Variants in KAZN observed in about 807,000 individuals in gnomAD.
KAZN encodes kazrin, periplakin interacting protein.
A neutral mutation model predicts 87.4 loss-of-function variants in KAZN; 40 were observed. The observed-to-expected ratio is 0.46, with a 90% CI of 0.36 to 0.60. The LOEUF is 0.60. KAZN is among the 20% of genes least tolerant of loss of function. The pLI is 0.00. For synonymous variants in KAZN, 466 were observed against 458.3 expected (o/e 1.02, Z -0.22); for missense variants, 898 against 1,073.9 (o/e 0.84, Z 2.29).
rs531956008 is a variant in KAZN, at chr1:14,904,602, T to A, written c.227-56082T>A. Reference sequence around the variant, plus strand: ...CAGGCCCGTGCGCCACATGTCAGATTCCCGACTAGAGAAGCCAGTGCTCAG... The same window carrying A: ...CAGGCCCGTGCGCCACATGTCAGATACCCGACTAGAGAAGCCAGTGCTCAG... On this transcript the variant is annotated intron_variant, in intron 1 of 14. Coordinates refer to ENST00000376030, the MANE Select transcript of KAZN (RefSeq NM_201628.3). Among the ~76,000 whole-genome samples the A allele has an allele frequency of 1.9e-3, 288 of 152,296 alleles. 1 individual carries two copies. Among genetic ancestry groups the A allele is most frequent in the Non-Finnish European group, 3.2e-3 (215 of 68,016 alleles).
At chr1:14,207,176 C>T (rs1646764160) in intron 2 of KAZN, among the ~76,000 whole-genome samples, 2 of 152,180 alleles carry the variant, frequency 1.3e-5, no homozygotes, top group South Asian at 4.2e-4. Context: ...GTTGGCCAGG[C>T]TGGTCTCGAA....
chr1:14,580,005 T>C (rs147018503), intron 2 of KAZN, among the ~76,000 whole-genome samples: 186 of 152,296 alleles, frequency 1.2e-3, no homozygotes, highest in African/African-American at 4.0e-3. Context: ...TCATTTAATT[T>C]CTGAGTAAGG....
chr1:13,923,374 C>T (rs1319695534), intron 1 of KAZN, among the ~76,000 whole-genome samples: 2 of 151,952 alleles, frequency 1.3e-5, no homozygotes, highest in Middle Eastern at 6.8e-3. Context: ...GAGATTGAGA[C>T]CATCCTGGCT....
chr1:14,907,213 T>C (rs1293512423), intron 1 of KAZN, among the ~76,000 whole-genome samples: 5 of 151,302 alleles, frequency 3.3e-5, no homozygotes, highest in Admixed American at 6.6e-5. Flanking sequence ...CTGTGCAACA[T>C]GGTGAAACCC....
intron 2 of KAZN, among the ~76,000 whole-genome samples, chr1:14,439,140 C>G (rs1666561132): frequency 6.6e-6 from 1 of 152,202 alleles, no homozygotes; most frequent in Non-Finnish European, 1.5e-5. Context: ...TCGTTTTTCT[C>G]CACACCCAAA....
intron 2 of KAZN, among the ~76,000 whole-genome samples, chr1:14,307,007 T>C (rs1654977027): frequency 6.6e-6 from 1 of 152,188 alleles, no homozygotes; most frequent in Admixed American, 6.5e-5. Context: ...GTGGTTCCCA[T>C]TCATTTGTTC....
intron 1 of KAZN, among the ~76,000 whole-genome samples, chr1:14,868,999 G>A (rs1206614818): frequency 1.3e-5 from 2 of 152,154 alleles, no homozygotes; most frequent in African/African-American, 4.8e-5. Flanking sequence ...TGGGGGCCCC[G>A]GTGGTATTGT....
chr1:14,132,888 T>C (rs893277849), intron 1 of KAZN, among the ~76,000 whole-genome samples: 1 of 152,112 alleles, frequency 6.6e-6, no homozygotes, highest in African/African-American at 2.4e-5. Context: ...GTCACCACTG[T>C]CTCCAACACT....
intron 1 of KAZN, among the ~76,000 whole-genome samples, chr1:14,871,312 C>A (rs1652099986): frequency 6.7e-6 from 1 of 149,808 alleles, no homozygotes; most frequent in Non-Finnish European, 1.5e-5. Context: ...TTCCATGAAC[C>A]TTCTGCTTGA....
At chr1:14,317,887 G>A (rs1238374856) in intron 2 of KAZN, among the ~76,000 whole-genome samples, 11 of 151,926 alleles carry the variant, frequency 7.2e-5, no homozygotes, top group African/African-American at 2.7e-4. Flanking sequence ...AGGAGTTATT[G>A]CACTTTATTT....
chr1:14,422,259 C>T (rs1219773121), intron 2 of KAZN, among the ~76,000 whole-genome samples: 1 of 152,160 alleles, frequency 6.6e-6, no homozygotes, highest in African/African-American at 2.4e-5. Context: ...CAGAGAACAT[C>T]CGTGGGCTTC....
chr1:14,371,493 G>C (rs12567043), intron 2 of KAZN, among the ~76,000 whole-genome samples: 1 of 152,284 alleles, frequency 6.6e-6, no homozygotes, highest in South Asian at 2.1e-4. Context: ...CAGGAGAGTA[G>C]CAAGGGCTAA....
chr1:15,063,371 AG>A (rs1368003820), intron 6 of KAZN, 200 bp from the exon 7 acceptor site: 1 of 593,440 alleles, frequency 1.7e-6, no homozygotes, highest in African/African-American at 1.9e-5. Context: ...CAGGAACTCT[AG>A]GGAAACTCCA....
intron 2 of KAZN, among the ~76,000 whole-genome samples, chr1:14,550,151 G>C (rs189955619): frequency 1.3e-5 from 2 of 152,330 alleles, no homozygotes; most frequent in African/African-American, 4.8e-5. Context: ...AGACTTCTCT[G>C]TGCCAGGCAC....
At chr1:14,411,826 G>A (rs561165994) in intron 2 of KAZN, among the ~76,000 whole-genome samples, 4 of 151,894 alleles carry the variant, frequency 2.6e-5, no homozygotes, top group African/African-American at 4.9e-5. Context: ...GTAATAACAC[G>A]TAACATAAAA....
chr1:14,978,739 G>T (rs1416320724), intron 2 of KAZN, among the ~76,000 whole-genome samples: 1 of 138,558 alleles, frequency 7.2e-6, no homozygotes, highest in Non-Finnish European at 1.5e-5. Flanking sequence ...CCTGGAAGAT[G>T]GGGGGCTTTG....
chr1:14,779,758 T>A (rs769962477), intron 1 of KAZN, among the ~76,000 whole-genome samples: 40 of 152,242 alleles, frequency 2.6e-4, no homozygotes, highest in Non-Finnish European at 7.3e-5. Flanking sequence ...AACAACCCCA[T>A]TATTCAGTAG....
intron 2 of KAZN, among the ~76,000 whole-genome samples, chr1:14,399,655 C>T (rs565182148): frequency 7.2e-4 from 109 of 152,220 alleles, no homozygotes; most frequent in Admixed American, 5.2e-3. Context: ...GAGACATCCA[C>T]GTTGCTAAGG....
intron 1 of KAZN, chr1:14,930,127 G>C: frequency 1.0e-6 from 1 of 956,636 alleles, no homozygotes; most frequent in South Asian, 4.9e-5. Context: ...GGTGGGCTCT[G>C]GGTGGGGCCC....
Sources: allele counts gnomAD v4.1 joint callset (sites outside exome capture counted in the v4.1 genomes callset), GRCh38; gene constraint gnomAD v4.1.1; transcripts MANE v1.5; gene names NCBI Gene and HGNC (gene_info 2026-07-23, HGNC 2026-07-21).